Variants in HPSE2 observed in about 807,000 individuals in gnomAD.
HPSE2 encodes heparanase 2 (inactive), also known as inactive heparanase-2.
Under a neutral mutation model 60.5 loss-of-function variants are expected in HPSE2, and 38 were observed. The observed-to-expected ratio is 0.63, with a 90% confidence interval of 0.48 to 0.82. The LOEUF is 0.82. HPSE2 is among the 40% of genes least tolerant of loss of function. The probability of loss-of-function intolerance (pLI) is 0.00; values close to 1 mark genes in which losing one functional copy is unlikely to be tolerated. For missense variants in HPSE2, 713 were observed against 740.4 expected (o/e 0.96, Z 0.43); for synonymous variants, 295 against 293.2 (o/e 1.01, Z -0.06).
At chr10:99,047,756 A>C (rs2135490560) in intron 3 of HPSE2, 1 of 852,922 alleles carries the variant, frequency 1.2e-6, no homozygotes, top group Non-Finnish European at 2.0e-6. Flanking sequence ...GTTTGCCCAA[A>C]GGATGCTTCA....
At chr10:99,311,690 C>G in the HPSE2 span, among the ~76,000 whole-genome samples, 1 of 152,116 alleles carries the variant, frequency 6.6e-6, no homozygotes, top group Non-Finnish European at 1.5e-5. Flanking sequence ...AATAATAACC[C>G]TACAACGGCC....
chr10:98,825,743 T>C (rs920534984), intron 3 of HPSE2, among the ~76,000 whole-genome samples: 3 of 152,060 alleles, frequency 2.0e-5, no homozygotes, highest in Non-Finnish European at 2.9e-5. Flanking sequence ...CAATGAGACA[T>C]AAAAGAAACC....
At chr10:98,627,491 A>T (rs896127870) in intron 7 of HPSE2, among the ~76,000 whole-genome samples, 1 of 152,146 alleles carries the variant, frequency 6.6e-6, no homozygotes, top group African/African-American at 2.4e-5. Context: ...TTGCAGGGAG[A>T]TTTGAAAGGA....
At chr10:98,464,584 G>A (rs1463479781) in intron 11 of HPSE2, among the ~76,000 whole-genome samples, 1 of 152,174 alleles carries the variant, frequency 6.6e-6, no homozygotes, top group East Asian at 1.9e-4. Flanking sequence ...TCTAACTGTG[G>A]CCCTTATTGT....
intron 3 of HPSE2, among the ~76,000 whole-genome samples, chr10:98,802,198 A>G (rs941351148): frequency 2.0e-5 from 3 of 152,144 alleles, no homozygotes; most frequent in African/African-American, 4.8e-5. Flanking sequence ...AAAGACTTAA[A>G]TGTTAGACCT....
chr10:98,871,232 G>C (rs577441048), intron 3 of HPSE2, among the ~76,000 whole-genome samples: 27 of 152,188 alleles, frequency 1.8e-4, no homozygotes, highest in African/African-American at 6.0e-4. Context: ...TATATGCCCA[G>C]TTTATATTTT....
At chr10:98,836,882 T>C (rs548935868) in intron 3 of HPSE2, among the ~76,000 whole-genome samples, 2 of 151,998 alleles carry the variant, frequency 1.3e-5, no homozygotes, top group African/African-American at 4.8e-5. Context: ...CTACTAAAAA[T>C]ACAAAAATTA....
intron 2 of HPSE2, among the ~76,000 whole-genome samples, chr10:99,167,234 C>T (rs1396790982): frequency 6.6e-6 from 1 of 152,136 alleles, no homozygotes; most frequent in African/African-American, 2.4e-5. Flanking sequence ...TGGTCTCAAA[C>T]TCCCAGCCTC....
At chr10:99,013,174 C>A in intron 3 of HPSE2, 1 of 670,212 alleles carries the variant, frequency 1.5e-6, no homozygotes, top group Non-Finnish European at 2.8e-6. Flanking sequence ...GAACAGCATG[C>A]CTGGATATGC....
intron 3 of HPSE2, among the ~76,000 whole-genome samples, chr10:98,879,336 A>G (rs1952957939): frequency 6.6e-6 from 1 of 152,144 alleles, no homozygotes; most frequent in East Asian, 1.9e-4. Flanking sequence ...ATGCTGTAAG[A>G]GATGCTCCTA....
At position 99,184,815 on chromosome 10, in the gene HPSE2, T is replaced by C. The variant is rs1251566954; in HGVS notation, c.449-40416A>G. On this transcript the variant is annotated intron_variant, in intron 2 of 11. Transcript: ENST00000370552. Reference sequence around the variant, plus strand: ...ATATATATATATATATATATATATATATATAGAGAGAGAGAGAGAGAGAGA... The same window carrying C: ...ATATATATATATATATATATATATACATATAGAGAGAGAGAGAGAGAGAGA... Among the ~76,000 whole-genome samples, 221 of 28,644 alleles carry C rather than the reference T, an allele frequency of 7.7e-3. 35 individuals carry two copies. The highest frequency in any genetic ancestry group is 0.03 in the South Asian group (20 of 656). 18.8% of individuals were successfully genotyped at this position (28,644 alleles called of 152,430 possible). A position where few individuals can be genotyped will look rare whatever the true frequency, so the allele number is the denominator to read the frequency against.
At chr10:98,589,194 G>A (rs755209612) in intron 9 of HPSE2, among the ~76,000 whole-genome samples, 6 of 152,284 alleles carry the variant, frequency 3.9e-5, no homozygotes, top group Admixed American at 2.0e-4. Context: ...GAACTCAGGC[G>A]CACAATCCCA....
At chr10:98,818,331 T>A (rs1039578857) in intron 3 of HPSE2, among the ~76,000 whole-genome samples, 3 of 152,132 alleles carry the variant, frequency 2.0e-5, no homozygotes, top group African/African-American at 7.2e-5. Flanking sequence ...TTGTTCCACC[T>A]CCAATCGGTA....
intron 7 of HPSE2, among the ~76,000 whole-genome samples, chr10:98,640,732 C>G (rs192641248): frequency 6.6e-6 from 1 of 152,026 alleles, no homozygotes; most frequent in Non-Finnish European, 1.5e-5. Context: ...TGGAAAAGAA[C>G]CTTAACTGGG....
intron 3 of HPSE2, among the ~76,000 whole-genome samples, chr10:98,993,737 T>C (rs929167591): frequency 1.3e-5 from 2 of 152,166 alleles, no homozygotes; most frequent in African/African-American, 4.8e-5. Flanking sequence ...CCCTTTCAGC[T>C]TCATGCATCA....
intron 2 of HPSE2, among the ~76,000 whole-genome samples, chr10:99,223,449 C>A (rs973710945): frequency 6.6e-6 from 1 of 152,128 alleles, no homozygotes; most frequent in East Asian, 1.9e-4. Context: ...TTTCTAACTT[C>A]GCATTCCAAA....
chr10:98,736,461 G>A (rs897404246), intron 4 of HPSE2, among the ~76,000 whole-genome samples: 5 of 152,082 alleles, frequency 3.3e-5, no homozygotes, highest in African/African-American at 1.2e-4. Flanking sequence ...GAGAGAACAT[G>A]ATTCTCCACC....
chr10:98,467,648 G>A (rs1940596722), intron 11 of HPSE2, among the ~76,000 whole-genome samples: 1 of 152,184 alleles, frequency 6.6e-6, no homozygotes, highest in South Asian at 2.1e-4. Context: ...AATGGTGCCA[G>A]GACAGTCTGA....
the HPSE2 span, among the ~76,000 whole-genome samples, chr10:99,307,832 G>GCACACA: frequency 1.0e-4 from 14 of 134,418 alleles, no homozygotes; most frequent in Admixed American, 2.9e-4. Context: ...TAGTAAATGC[G>GCACACA]CACACACACA....
Sources: allele counts gnomAD v4.1 joint callset (sites outside exome capture counted in the v4.1 genomes callset), GRCh38; gene constraint gnomAD v4.1.1; transcripts MANE v1.5; gene names NCBI Gene and HGNC (gene_info 2026-07-23, HGNC 2026-07-21).